SIPA1L1: variants seen among roughly 807,000 people sequenced by gnomAD.
SIPA1L1 encodes signal induced proliferation associated 1 like 1, also known as signal-induced proliferation-associated 1-like protein 1.
Under a neutral mutation model 162.7 loss-of-function variants are expected in SIPA1L1, and 26 were observed. The observed-to-expected ratio is 0.16, with a 90% CI of 0.12 to 0.22. The LOEUF is 0.22. Ranked by LOEUF, SIPA1L1 falls within the 10% of genes least tolerant of loss-of-function variation. The pLI, the probability that SIPA1L1 is intolerant of heterozygous loss-of-function variation, is 1.00. For synonymous variants in SIPA1L1, 829 were observed against 837.4 expected, an observed-to-expected ratio of 0.99 and a Z score of 0.17; for missense variants, 1,874 against 2,241.0, an observed-to-expected ratio of 0.84 and a Z score of 3.31.
intron 2 of SIPA1L1, among the ~76,000 whole-genome samples, chr14:71,487,754 G>C (rs2048890088): frequency 6.6e-6 from 1 of 152,206 alleles, no homozygotes; most frequent in Non-Finnish European, 1.5e-5. Flanking sequence ...TATTGAATGA[G>C]CTGGACCTCA....
chr14:71,717,182 G>T (rs2083333743), intron 17 of SIPA1L1, among the ~76,000 whole-genome samples: 1 of 152,218 alleles, frequency 6.6e-6, no homozygotes, highest in Non-Finnish European at 1.5e-5. Context: ...ACAGGTGTGA[G>T]CCACTGCGCC....
At chr14:71,574,498 C>G (rs1289276491) in intron 4 of SIPA1L1, 1 of 152,120 alleles carries the variant, frequency 6.6e-6, no homozygotes, top group African/African-American at 2.4e-5. Context: ...TCTGACATTG[C>G]AAAAACAGAG....
chr14:71,695,924 C>T lies in SIPA1L1; in HGVS notation c.3375-3057C>T, dbSNP rs1026439372. On this transcript the variant is annotated intron_variant, in intron 13 of 23. Coordinates refer to ENST00000381232, the MANE Select transcript of SIPA1L1 (RefSeq NM_001386936.1). ...GTTTTCATTTTCATAACCAATTCCTCCTATTCATACCCCTTTCAGATCACC... is the reference window on the plus strand; with the variant it reads ...GTTTTCATTTTCATAACCAATTCCTTCTATTCATACCCCTTTCAGATCACC... Among the ~76,000 whole-genome samples the T allele has an allele frequency of 1.1e-4, 17 of 152,298 alleles. No individual in the cohort carries two copies. The East Asian group carries it at 1.3e-3, about 12-fold the overall frequency.
intron 10 of SIPA1L1, among the ~76,000 whole-genome samples, chr14:71,663,911 G>T (rs953003428): frequency 6.6e-6 from 1 of 152,158 alleles, no homozygotes; most frequent in Non-Finnish European, 1.5e-5. Flanking sequence ...ACATTAGTTT[G>T]TAACATCACT....
chr14:71,420,410 C>T (rs2043100312), intron 2 of SIPA1L1, among the ~76,000 whole-genome samples: 1 of 152,146 alleles, frequency 6.6e-6, no homozygotes, highest in South Asian at 2.1e-4. Flanking sequence ...TGCCTATCTA[C>T]CCATCTATCT....
chr14:71,738,942 C>A (rs928361223), intron 23 of SIPA1L1, 76 bp from the exon 24 acceptor site: 7 of 1,502,686 alleles, frequency 4.7e-6, no homozygotes, highest in Non-Finnish European at 6.3e-6. Flanking sequence ...AAAACGGGTC[C>A]ATAGCTATTA....
intron 7 of SIPA1L1, among the ~76,000 whole-genome samples, chr14:71,639,847 A>G (rs951641096): frequency 3.3e-5 from 5 of 152,206 alleles, no homozygotes; most frequent in Non-Finnish European, 5.9e-5. Flanking sequence ...TTCCAACAGT[A>G]CTGGGACAAC....
At chr14:71,679,479 C>T (rs1286021743) in intron 12 of SIPA1L1, among the ~76,000 whole-genome samples, 1 of 152,204 alleles carries the variant, frequency 6.6e-6, no homozygotes, top group African/African-American at 2.4e-5. Flanking sequence ...ACTGCAAAAA[C>T]ATGCCAAATT....
intron 4 of SIPA1L1, among the ~76,000 whole-genome samples, chr14:71,571,931 C>G (rs2032140248): frequency 6.6e-6 from 1 of 151,760 alleles, no homozygotes; most frequent in South Asian, 2.1e-4. Context: ...GGATTACAGG[C>G]GTGAGCCACC....
rs368432068 is a variant in SIPA1L1, at chr14:71,442,172, CAAAAAAAAAAAA to C, written c.-464-70555_-464-70544del. On this transcript the variant is annotated intron_variant, in intron 2 of 23. Coordinates refer to ENST00000381232, the MANE Select transcript of SIPA1L1 (RefSeq NM_001386936.1). ...TGGATGACAGAGCAAGACTCTGTCTCAAAAAAAAAAAAAAAAAAAAAAAAAAAGAAGTAACTT... is the reference window on the plus strand; with the variant it reads ...TGGATGACAGAGCAAGACTCTGTCTCAAAAAAAAAAAAAAAGAAGTAACTT... Among the ~76,000 whole-genome samples, 66 of 26,090 alleles carry C rather than the reference CAAAAAAAAAAAA, an allele frequency of 2.5e-3. 1 individual carries two copies. Among genetic ancestry groups the C allele is most frequent in the African/African-American group, 6.6e-3 (59 of 9,004 alleles). The allele number at this position is 26,090 out of a possible 152,430, so 17.1% of individuals were successfully genotyped here.
intron 2 of SIPA1L1, chr14:71,448,867 G>C (rs1040423625): frequency 3.3e-5 from 5 of 152,300 alleles, no homozygotes. Flanking sequence ...AACTGGCCCA[G>C]GTTGGAAACT....
intron 7 of SIPA1L1, among the ~76,000 whole-genome samples, chr14:71,639,694 T>G (rs1272506897): frequency 1.3e-5 from 2 of 152,186 alleles, no homozygotes; most frequent in African/African-American, 2.4e-5. Context: ...GCTCCAGTAG[T>G]CAAGACTGTG....
At chr14:71,615,731 G>T (rs1488113536) in intron 5 of SIPA1L1, among the ~76,000 whole-genome samples, 2 of 152,232 alleles carry the variant, frequency 1.3e-5, no homozygotes, top group African/African-American at 4.8e-5. Flanking sequence ...CTTTGGCCCG[G>T]CACAGTGGCT....
intron 22 of SIPA1L1, among the ~76,000 whole-genome samples, chr14:71,736,463 C>T (rs1244572890): frequency 1.3e-5 from 2 of 152,254 alleles, no homozygotes; most frequent in African/African-American, 4.8e-5. Flanking sequence ...TGGTCAGAAA[C>T]GGACAATAAC....
chr14:71,549,807 A>G (rs144526206), intron 4 of SIPA1L1, among the ~76,000 whole-genome samples: 1 of 152,310 alleles, frequency 6.6e-6, no homozygotes, highest in East Asian at 1.9e-4. Context: ...TTCTTCCTCA[A>G]TAGTGAGAGT....
At chr14:71,501,346 A>G (rs1441341270) in intron 2 of SIPA1L1, among the ~76,000 whole-genome samples, 1 of 152,128 alleles carries the variant, frequency 6.6e-6, no homozygotes, top group African/African-American at 2.4e-5. Flanking sequence ...ATAAAAATAA[A>G]TATATATGAA....
chr14:71,504,082 G>A (rs1470625084), intron 2 of SIPA1L1: 2 of 151,904 alleles, frequency 1.3e-5, no homozygotes, highest in African/African-American at 4.8e-5. Flanking sequence ...TGGGATTACA[G>A]GTATGAGCCA....
At chr14:71,572,393 TA>T (rs1356931700) in intron 4 of SIPA1L1, among the ~76,000 whole-genome samples, 5 of 152,212 alleles carry the variant, frequency 3.3e-5, no homozygotes. Context: ...AGTTTAAAGC[TA>T]GGCATGCTAA....
intron 2 of SIPA1L1, among the ~76,000 whole-genome samples, chr14:71,426,502 T>TC (rs71305836): frequency 1.8e-4 from 26 of 145,832 alleles, no homozygotes; most frequent in Middle Eastern, 3.4e-3. Flanking sequence ...TTTTTTTTTT[T>TC]CCCAAAGACA....
Sources: allele counts gnomAD v4.1 joint callset (sites outside exome capture counted in the v4.1 genomes callset), GRCh38; gene constraint gnomAD v4.1.1; transcripts MANE v1.5; gene names NCBI Gene and HGNC (gene_info 2026-07-23, HGNC 2026-07-21).